The following EXT2 variants were observed in gnomAD, a reference collection of about 807,000 sequenced individuals.
The protein encoded by EXT2 is exostosin-2.
In EXT2, 53 loss-of-function variants were observed where a neutral mutation model predicts 81.6. That is an observed-to-expected ratio of 0.65 (90% CI 0.52 to 0.82). EXT2 has a LOEUF of 0.82. EXT2 is among the 40% of genes least tolerant of loss of function. The pLI is 0.00. For missense variants in EXT2, 774 were observed against 910.2 expected (o/e 0.85, Z 1.93); for synonymous variants, 320 against 340.0 (o/e 0.94, Z 0.65).
chr11:44,096,476 G>A (rs1402953458), intron 1 of EXT2, among the ~76,000 whole-genome samples: 1 of 152,072 alleles, frequency 6.6e-6, no homozygotes, highest in East Asian at 1.9e-4. Context: ...TAGGTGGCTG[G>A]GGGCGTGTTA....
rs371019537 is a variant in EXT2, at chr11:44,236,370, G to A, written c.2013G>A (p.Val671=). ...DGLSLDQTHM[V]ERSECINKFA... is the part of the protein sequence containing the mutation. ...TTTCACTAGACCAAACACACATGGT[G>A]GAGAGGTAAGTGAGCCTCCAACCAA... is the stretch of plus-strand genomic sequence containing the variant. The change falls in exon 13 of 14, where the codon GTG becomes GTA. Residue 671 remains valine, a synonymous_variant. Transcript: ENST00000533608. 2.7e-4 allele frequency: 433 copies of A among 1,613,750 alleles called. No homozygotes were observed. The highest frequency in any genetic ancestry group is 3.3e-4 in the Non-Finnish European group (395 of 1,179,974).
Position 44,244,419 on chromosome 11 carries a change from C to T in EXT2, c.*132C>T. ...CTACTTGGATCTTGGCATGCACCCA[C>T]CTAACCCACTTTCTCAAGAACAAGA... On this transcript the variant is annotated 3_prime_UTR_variant, in exon 14 of 14. Transcript: ENST00000533608. The T allele has an allele frequency of 2.3e-6, 2 of 886,572 alleles. No homozygotes were observed. Among genetic ancestry groups the T allele is most frequent in the Non-Finnish European group, 3.6e-6 (2 of 549,586 alleles). 54.9% of individuals were successfully genotyped at this position (886,572 alleles called of 1,614,324 possible).
chr11:44,174,751 G>C (rs1384783995), intron 8 of EXT2, among the ~76,000 whole-genome samples: 1 of 152,046 alleles, frequency 6.6e-6, no homozygotes, highest in Non-Finnish European at 1.5e-5. Flanking sequence ...AGTACTTCCA[G>C]AACAATGTTA....
At chr11:44,184,755 T>C (rs1955287383) in intron 8 of EXT2, among the ~76,000 whole-genome samples, 1 of 151,420 alleles carries the variant, frequency 6.6e-6, no homozygotes, top group Non-Finnish European at 1.5e-5. Flanking sequence ...CGTCTCAAAA[T>C]AATAATAATA....
At chr11:44,232,545 A>G (rs777033611) in intron 11 of EXT2, 49 bp downstream of exon 11, 4 of 1,608,734 alleles carry the variant, frequency 2.5e-6, no homozygotes, top group Non-Finnish European at 2.5e-6. Context: ...AGAATGATAC[A>G]CATTTTATTT....
chr11:44,176,066 G>A (rs1955153697), intron 8 of EXT2, among the ~76,000 whole-genome samples: 1 of 152,146 alleles, frequency 6.6e-6, no homozygotes, highest in African/African-American at 2.4e-5. Flanking sequence ...CCTCCTCTGG[G>A]CTGAAATGTT....
At chr11:44,144,883 T>C (rs969915306) in intron 7 of EXT2, among the ~76,000 whole-genome samples, 1 of 152,164 alleles carries the variant, frequency 6.6e-6, no homozygotes, top group African/African-American at 2.4e-5. Flanking sequence ...TTTTTTTTAA[T>C]AGGGCAAAAG....
chr11:44,115,451 G>T (rs1333072642), intron 4 of EXT2, among the ~76,000 whole-genome samples: 1 of 152,132 alleles, frequency 6.6e-6, no homozygotes, highest in Non-Finnish European at 1.5e-5. Flanking sequence ...ACATGAATGT[G>T]CAGCATGGAT....
chr11:44,190,064 G>T (rs1955371074), intron 8 of EXT2, among the ~76,000 whole-genome samples: 1 of 152,150 alleles, frequency 6.6e-6, no homozygotes, highest in South Asian at 2.1e-4. Context: ...CCTTATGCAC[G>T]TTAGTAATAT....
intron 4 of EXT2, among the ~76,000 whole-genome samples, chr11:44,123,003 T>G (rs1356946641): frequency 6.6e-6 from 1 of 152,206 alleles, no homozygotes; most frequent in East Asian, 1.9e-4. Context: ...GTTAAGTGCC[T>G]TTTGCTCTTA....
intron 1 of EXT2, among the ~76,000 whole-genome samples, chr11:44,099,857 A>G (rs954855742): frequency 1.3e-5 from 2 of 151,760 alleles, no homozygotes; most frequent in African/African-American, 4.8e-5. Context: ...TTCTTTTCTC[A>G]TTCTTTCCCT....
intron 7 of EXT2, among the ~76,000 whole-genome samples, chr11:44,148,499 T>C (rs1954750493): frequency 6.6e-6 from 1 of 152,190 alleles, no homozygotes; most frequent in Non-Finnish European, 1.5e-5. Context: ...GCTCCAGTGT[T>C]ACCCAAGGTA....
chr11:44,243,349 A>G (rs4755792), intron 13 of EXT2, among the ~76,000 whole-genome samples: 137,277 of 152,206 alleles, frequency 0.9, 61,991 homozygotes, highest in East Asian at 0.99. Context: ...GAGAAGGCTG[A>G]CTTTGGGGGT....
chr11:44,183,090 G>T (rs867898036), intron 8 of EXT2, among the ~76,000 whole-genome samples: 1 of 152,194 alleles, frequency 6.6e-6, no homozygotes, highest in Non-Finnish European at 1.5e-5. Flanking sequence ...TATGCATTTT[G>T]ACAGGAGTGT....
rs1245990012 is a variant in EXT2 at position 44,124,909 on chromosome 11, C to T, written c.864C>T (p.Asn288=). The change falls in exon 5 of 14, where the codon AAC becomes AAT. Residue 288 remains asparagine, a synonymous_variant. Transcript: ENST00000533608. The stretch of plus-strand genomic sequence containing the variant: ...TGTTAGTACTCGATAAATGCACCAA[C>T]CTCTCAGAGGGTGTCCTTTCTGTCC... ...ESVLVLDKCT[N]LSEGVLSVRK... is the part of the protein sequence containing the mutation. 4 of 1,614,082 alleles carry T rather than the reference C, an allele frequency of 2.5e-6. No individual in the cohort carries two copies. The highest frequency in any genetic ancestry group is 8.5e-7 in the Non-Finnish European group (1 of 1,180,020).
In EXT2 at chr11:44,112,889, C is replaced by T. The variant is rs75710136; in HGVS notation, c.627-1296C>T. 4.5e-3 allele frequency among the ~76,000 whole-genome samples: 679 copies of T among 152,286 alleles called. 8 individuals are homozygous for T. The highest frequency in any genetic ancestry group is 0.016 in the African/African-American group (657 of 41,566). ...GTGAGTGTAATAGCCTAATCACCCA[C>T]GACCCTGGCTTACCTGGACTGCCTG... is the stretch of plus-strand genomic sequence containing the variant. On this transcript the variant is annotated intron_variant, in intron 3 of 13. Transcript: ENST00000533608.
At chr11:44,202,502 A>G (rs969706250) in intron 9 of EXT2, among the ~76,000 whole-genome samples, 4 of 152,186 alleles carry the variant, frequency 2.6e-5, no homozygotes, top group African/African-American at 9.6e-5. Flanking sequence ...TAGAGGATTC[A>G]TGGCAGGGAT....
At chr11:44,213,854 A>G (rs557022272) in intron 10 of EXT2, among the ~76,000 whole-genome samples, 2 of 152,380 alleles carry the variant, frequency 1.3e-5, no homozygotes, top group South Asian at 4.1e-4. Context: ...AGCAAGAGAC[A>G]TAAATGTACA....
At chr11:44,182,847 T>C (rs555161480) in intron 8 of EXT2, among the ~76,000 whole-genome samples, 90 of 152,364 alleles carry the variant, frequency 5.9e-4, no homozygotes, top group South Asian at 5.6e-3. Flanking sequence ...TAATGTCCAT[T>C]AGAACAAAAG....
Sources: gnomAD v4.1 joint callset for allele counts (sites outside exome capture counted in the v4.1 genomes callset) on GRCh38, gnomAD v4.1.1 for gene constraint, MANE v1.5 for transcripts, NCBI Gene and HGNC (gene_info 2026-07-23, HGNC 2026-07-21) for gene names.